Variants in MOB3B observed in about 807,000 individuals in gnomAD.
MOB3B encodes MOB kinase activator-like 2B.
Under a neutral mutation model 18.7 loss-of-function variants are expected in MOB3B, and 7 were observed. The observed-to-expected ratio is 0.37, with a 90% CI of 0.21 to 0.70. The LOEUF (loss-of-function observed/expected upper bound fraction) is 0.70, where lower values mean the gene tolerates loss of function less well. MOB3B is among the 30% of genes least tolerant of loss of function. The pLI, the probability that MOB3B is intolerant of heterozygous loss-of-function variation, is 0.52. For synonymous variants in MOB3B, 111 were observed against 99.9 expected (o/e 1.11, Z -0.66); for missense variants, 253 against 281.3 (o/e 0.90, Z 0.72).
chr9:27,332,557 G>A (rs1009466919), intron 3 of MOB3B, among the ~76,000 whole-genome samples: 5 of 152,148 alleles, frequency 3.3e-5, no homozygotes, highest in African/African-American at 1.2e-4. Flanking sequence ...CTCTAAGACA[G>A]GGAACTATGA....
intron 1 of MOB3B, among the ~76,000 whole-genome samples, chr9:27,480,341 C>T (rs1481495618): frequency 2.6e-5 from 4 of 151,284 alleles, no homozygotes; most frequent in Non-Finnish European, 5.9e-5. Context: ...GCTCTGTCAC[C>T]CAGGCTGGAG....
In MOB3B at chr9:27,444,242, A is replaced by AG. The variant is rs1822650494; in HGVS notation, c.418+10890dup. Among the ~76,000 whole-genome samples, 633 of 73,080 alleles carry AG rather than the reference A, an allele frequency of 8.7e-3. 28 individuals are homozygous for AG. Among genetic ancestry groups the AG allele is most frequent in the Non-Finnish European group, 0.01 (392 of 37,450 alleles). The allele number at this position is 73,080 out of a possible 152,430, so 47.9% of individuals were successfully genotyped here. Reference sequence around the variant, plus strand: ...GAAAAAGAAAGGAGGGAGGGAGGGAAGGAAGGAAGGAAGGAAGGAAGGAAG... The same window carrying AG: ...GAAAAAGAAAGGAGGGAGGGAGGGAAGGGAAGGAAGGAAGGAAGGAAGGAAG... On this transcript the variant is annotated intron_variant, in intron 2 of 3. Transcript: ENST00000262244.
chr9:27,450,162 A>T (rs536706348), intron 2 of MOB3B, among the ~76,000 whole-genome samples: 1 of 152,264 alleles, frequency 6.6e-6, no homozygotes, highest in South Asian at 2.1e-4. Flanking sequence ...AGGTTACCAA[A>T]GGGATGCAAC....
At chr9:27,403,810 A>G (rs1821923518) in intron 2 of MOB3B, among the ~76,000 whole-genome samples, 1 of 152,148 alleles carries the variant, frequency 6.6e-6, no homozygotes, top group Non-Finnish European at 1.5e-5. Context: ...TTATGGATAC[A>G]TAATAGTTGT....
At chr9:27,415,975 C>T (rs1822140867) in intron 2 of MOB3B, among the ~76,000 whole-genome samples, 1 of 152,164 alleles carries the variant, frequency 6.6e-6, no homozygotes, top group Admixed American at 6.5e-5. Flanking sequence ...TGCTTTCACC[C>T]CTGGATTATC....
chr9:27,367,867 A>G, intron 2 of MOB3B, among the ~76,000 whole-genome samples: 1 of 152,170 alleles, frequency 6.6e-6, no homozygotes, highest in Non-Finnish European at 1.5e-5. Flanking sequence ...CATATGATGA[A>G]ACCTGATTTC....
At position 27,326,405 on chromosome 9, in the gene MOB3B, T is replaced by A. The variant is rs1219936996; in HGVS notation, c.*4182A>T. On this transcript the variant is annotated 3_prime_UTR_variant, in exon 4 of 4. Transcript: ENST00000262244. ...TCTGATTAATTGTATTTTCACTTATTATATATCATCTTTGGACCTTTCTAA... is the reference window on the plus strand; with the variant it reads ...TCTGATTAATTGTATTTTCACTTATAATATATCATCTTTGGACCTTTCTAA... 4 of 398,386 alleles carry A rather than the reference T, an allele frequency of 1.0e-5. No homozygotes were observed. Among genetic ancestry groups the A allele is most frequent in the African/African-American group, 8.2e-5 (4 of 48,640 alleles). The allele number at this position is 398,386 out of a possible 1,614,324, so 24.7% of individuals were successfully genotyped here.
At chr9:27,491,949 T>C (rs1326500011) in intron 1 of MOB3B, among the ~76,000 whole-genome samples, 1 of 152,248 alleles carries the variant, frequency 6.6e-6, no homozygotes, top group Non-Finnish European at 1.5e-5. Context: ...ACTACTTTTA[T>C]AGGCATATCT....
At chr9:27,357,553 A>C (rs1335209926) in intron 3 of MOB3B, among the ~76,000 whole-genome samples, 1 of 151,932 alleles carries the variant, frequency 6.6e-6, no homozygotes, top group Admixed American at 6.6e-5. Flanking sequence ...AAACCTGCTT[A>C]CCCTGTCTGG....
chr9:27,415,848 G>T (rs1001447101), intron 2 of MOB3B, among the ~76,000 whole-genome samples: 1 of 152,146 alleles, frequency 6.6e-6, no homozygotes, highest in Non-Finnish European at 1.5e-5. Flanking sequence ...CATCACATCT[G>T]GTTCTAAACT....
chr9:27,473,564 G>A (rs1000014305), intron 1 of MOB3B, among the ~76,000 whole-genome samples: 4 of 152,154 alleles, frequency 2.6e-5, no homozygotes, highest in Admixed American at 6.5e-5. Context: ...GGGCAACACA[G>A]GGACCTGACA....
chr9:27,443,438 A>G (rs944711480), intron 2 of MOB3B, among the ~76,000 whole-genome samples: 13 of 152,232 alleles, frequency 8.5e-5, no homozygotes, highest in African/African-American at 3.1e-4. Context: ...CCAAACATAC[A>G]TAAACGATTT....
In MOB3B at chr9:27,333,104, T is replaced by C. The variant is rs534716191; in HGVS notation, c.622-2488A>G. Among the ~76,000 whole-genome samples, 4 of 152,250 alleles carry C rather than the reference T, an allele frequency of 2.6e-5. No homozygotes were observed. In the East Asian group the frequency reaches 7.7e-4, roughly 29 times the overall value. On this transcript the variant is annotated intron_variant, in intron 3 of 3. Transcript: ENST00000262244. ...TGAGAGAGTATGGACACTAGAAATATGGCAGAGTTTTTTTTTAAGTAGCAG... is the reference window on the plus strand; with the variant it reads ...TGAGAGAGTATGGACACTAGAAATACGGCAGAGTTTTTTTTTAAGTAGCAG...
intron 2 of MOB3B, among the ~76,000 whole-genome samples, chr9:27,426,140 A>G (rs1422819693): frequency 6.6e-6 from 1 of 152,156 alleles, no homozygotes; most frequent in Non-Finnish European, 1.5e-5. Flanking sequence ...CATTTTACCT[A>G]TGAGGACACA....
intron 1 of MOB3B, among the ~76,000 whole-genome samples, chr9:27,464,492 C>T (rs530163619): frequency 1.3e-5 from 2 of 152,216 alleles, no homozygotes; most frequent in South Asian, 2.1e-4. Context: ...ATCCACCATG[C>T]CCTCCCACTA....
At chr9:27,489,499 A>G (rs897686097) in intron 1 of MOB3B, among the ~76,000 whole-genome samples, 4 of 152,238 alleles carry the variant, frequency 2.6e-5, no homozygotes, top group African/African-American at 9.6e-5. Flanking sequence ...CCAAAAATTC[A>G]CTAAGCTAAT....
intron 3 of MOB3B, among the ~76,000 whole-genome samples, chr9:27,331,857 G>A (rs1450069982): frequency 6.6e-6 from 1 of 152,200 alleles, no homozygotes; most frequent in Non-Finnish European, 1.5e-5. Flanking sequence ...GGAGTGCCAA[G>A]GTGTTCAGAG....
chr9:27,427,426 G>A (rs959843482), intron 2 of MOB3B, among the ~76,000 whole-genome samples: 1 of 152,234 alleles, frequency 6.6e-6, no homozygotes, highest in African/African-American at 2.4e-5. Context: ...GGTTTGAAGA[G>A]AGATGTCTGC....
intron 2 of MOB3B, among the ~76,000 whole-genome samples, chr9:27,388,903 G>C (rs991627234): frequency 6.6e-6 from 1 of 152,070 alleles, no homozygotes; most frequent in Non-Finnish European, 1.5e-5. Flanking sequence ...CATCTTGAAA[G>C]TTTCCTCTTC....
Sources: gnomAD v4.1 joint callset for allele counts (sites outside exome capture counted in the v4.1 genomes callset) on GRCh38, gnomAD v4.1.1 for gene constraint, MANE v1.5 for transcripts, NCBI Gene and HGNC (gene_info 2026-07-23, HGNC 2026-07-21) for gene names.